The following SPACA9 variants were observed in gnomAD, a reference collection of about 807,000 sequenced individuals.
The protein encoded by SPACA9 is sperm acrosome-associated protein 9.
SPACA9 carries 14 observed loss-of-function variants against 12.5 expected under a neutral mutation model. That is an observed-to-expected ratio of 1.12 (90% confidence interval 0.74 to 1.75). SPACA9 has a LOEUF of 1.75. Among genes scored for constraint, SPACA9 ranks in the 40% most tolerant of loss-of-function variants. SPACA9 has a pLI of 0.00. For missense variants in SPACA9, 292 were observed against 291.9 expected (o/e 1.00, Z 0.00); for synonymous variants, 111 against 114.1 (o/e 0.97, Z 0.17).
chr9:132,889,038 G>C lies in SPACA9; in HGVS notation c.*427G>C. The C allele has an allele frequency of 1.0e-6, 1 of 991,236 alleles. No individual in the cohort carries two copies. Among genetic ancestry groups the C allele is most frequent in the Non-Finnish European group, 1.2e-6 (1 of 829,296 alleles). The allele number at this position is 991,236 out of a possible 1,614,324, so 61.4% of individuals were successfully genotyped here. ...CTCGTGATCGGCCTCCCAAAGTGCT[G>C]GGATTACAGGCGTGAGCCACAGCGC... On this transcript the variant is annotated 3_prime_UTR_variant, in exon 4 of 4. Transcript: ENST00000356311.
At chr9:132,883,546 A>G (rs1844480140) in intron 1 of SPACA9, among the ~76,000 whole-genome samples, 2 of 151,886 alleles carry the variant, frequency 1.3e-5, no homozygotes, top group Admixed American at 1.3e-4. Flanking sequence ...ATGTACCTGT[A>G]TGTGTGTGCA....
At chr9:132,881,262 CAAAAAAAAAGAAAA>C (rs1844417493) in intron 1 of SPACA9, among the ~76,000 whole-genome samples, 1 of 18,774 alleles carries the variant, frequency 5.3e-5, no homozygotes, top group African/African-American at 1.4e-4. Context: ...CCCATCTCTA[CAAAAAAAAAGAAAA>C]AAAAAAAAGA....
At chr9:132,878,538 C>T, upstream of SPACA9, 1 of 1,174,194 alleles carries the variant, frequency 8.5e-7, no homozygotes, top group Non-Finnish European at 1.1e-6. The surrounding 1 kb of genome is among the most constrained non-coding windows in gnomAD (Gnocchi z 4.7). Flanking sequence ...TATCTGAGAC[C>T]CCCGACGAAA....
chr9:132,878,633 T>G, upstream of SPACA9: 1 of 1,040,070 alleles, frequency 9.6e-7, no homozygotes. This position sits in a 1 kb window ranked among gnomAD's most constrained non-coding sequence, Gnocchi z 4.7. Context: ...CCCGGCTCCC[T>G]GTGCCTCAGT....
In SPACA9 at chr9:132,888,159, C is replaced by T; in HGVS notation, c.348-131C>T. On this transcript the variant is annotated intron_variant, in intron 3 of 3. Transcript: ENST00000356311. This position sits in a 1 kb window ranked among gnomAD's most constrained non-coding sequence, Gnocchi z 5.0. ...GCCAGAATCTCTGGGGACAGAGCGC[C>T]TCAGCGTGCTGTGTGTCCAGTTCTA... 4.9e-6 allele frequency: 7 copies of T among 1,420,214 alleles called. No individual in the cohort carries two copies. Among genetic ancestry groups the T allele is most frequent in the Non-Finnish European group, 6.6e-6 (7 of 1,064,970 alleles). 88.0% of individuals were successfully genotyped at this position (1,420,214 alleles called of 1,614,324 possible).
chr9:132,887,435 G>A lies in SPACA9; in HGVS notation c.211G>A (p.Asp71Asn), dbSNP rs2131494215. 1 of 1,612,916 alleles carries A rather than the reference G, an allele frequency of 6.2e-7. No homozygotes were observed. The highest frequency in any genetic ancestry group is 8.5e-7 in the Non-Finnish European group (1 of 1,180,004). Residue 71 changes from aspartate (D) to asparagine (N), a missense_variant, in exon 3 of 4, where the codon GAC becomes AAC. Asp to Asn is a conservative substitution (Grantham distance 23). Coordinates refer to ENST00000356311, the MANE Select transcript of SPACA9 (RefSeq NM_001316897.2). This position sits in a 1 kb window ranked among gnomAD's most constrained non-coding sequence, Gnocchi z 5.4. ...TDRRVLLMFLDICSELNKLCQ... is the reference protein window; with the variant it reads ...TDRRVLLMFLNICSELNKLCQ... The stretch of plus-strand genomic sequence containing the variant: ...CCGGCGGGTTCTGCTCATGTTCCTG[G>A]ACATCTGTTCAGAGCTGAATAAGCT...
chr9:132,880,316 A>G (rs1359545051), intron 1 of SPACA9, among the ~76,000 whole-genome samples: 2 of 151,968 alleles, frequency 1.3e-5, no homozygotes, highest in East Asian at 3.9e-4. Flanking sequence ...CTTCATCCAC[A>G]CTAATTTGGC....
At chr9:132,886,002 T>C (rs889553309) in intron 2 of SPACA9, among the ~76,000 whole-genome samples, 1 of 152,142 alleles carries the variant, frequency 6.6e-6, no homozygotes, top group Admixed American at 6.6e-5. Context: ...GGTATGAGTG[T>C]GAAGAGCCTC....
chr9:132,888,683 C>A lies in SPACA9; in HGVS notation c.*72C>A. On this transcript the variant is annotated 3_prime_UTR_variant, in exon 4 of 4. Coordinates refer to ENST00000356311, the MANE Select transcript of SPACA9 (RefSeq NM_001316897.2). The surrounding 1 kb of genome is among the most constrained non-coding windows in gnomAD (Gnocchi z 5.0). ...GGATTTTACTGGTTGGTCCTTTTTT[C>A]ACTGGTACCCATGGACCCTGCCACT... is the stretch of plus-strand genomic sequence containing the variant. 6.8e-7 allele frequency: 1 copy of A among 1,465,318 alleles called. No individual in the cohort carries two copies. The highest frequency in any genetic ancestry group is 1.4e-5 in the South Asian group (1 of 69,096). 90.8% of individuals were successfully genotyped at this position (1,465,318 alleles called of 1,614,324 possible).
Position 132,888,810 on chromosome 9 carries a change from C to T in SPACA9, c.*199C>T, listed in dbSNP as rs1844652283. ...TGAGACGGAGTCTCGCTCTGTCGCC[C>T]AGGCTGGAGTGCGGTGGCGCAACCT... is the stretch of plus-strand genomic sequence containing the variant. On this transcript the variant is annotated 3_prime_UTR_variant, in exon 4 of 4. Transcript: ENST00000356311. The surrounding 1 kb of genome is among the most constrained non-coding windows in gnomAD (Gnocchi z 5.0). 3.1e-6 allele frequency: 4 copies of T among 1,302,570 alleles called. No homozygotes were observed. Among genetic ancestry groups the T allele is most frequent in the Non-Finnish European group, 4.0e-6 (4 of 1,006,552 alleles). The allele number at this position is 1,302,570 out of a possible 1,614,324, so 80.7% of individuals were successfully genotyped here.
Position 132,886,535 on chromosome 9 carries a change from C to T in SPACA9, c.145-834C>T, listed in dbSNP as rs555984820. Among the ~76,000 whole-genome samples the T allele has an allele frequency of 2.6e-5, 4 of 152,274 alleles. No homozygotes were observed. The South Asian group carries it at 8.3e-4, about 32-fold the overall frequency. ...TTTAGGCGGTGGTTGGTTCAGGTGG[C>T]AGGGGACAGGTGAGGGGTAGGGCAC... On this transcript the variant is annotated intron_variant, in intron 2 of 3. Coordinates refer to ENST00000356311, the MANE Select transcript of SPACA9 (RefSeq NM_001316897.2).
intron 2 of SPACA9, among the ~76,000 whole-genome samples, chr9:132,884,834 G>A (rs1417980275): frequency 1.3e-5 from 2 of 152,200 alleles, no homozygotes; most frequent in African/African-American, 4.8e-5. Context: ...ATTTTTTTCT[G>A]GCCAGGCGTG....
Position 132,889,855 on chromosome 9 carries a change from C to T in SPACA9, c.*1244C>T. ...GTGGCTCCTGAGCAAGGGCGATGAC[C>T]TGGTTTTCACAGCGTAGTCGAACCC... On this transcript the variant is annotated 3_prime_UTR_variant, in exon 4 of 4. Coordinates refer to ENST00000356311, the MANE Select transcript of SPACA9 (RefSeq NM_001316897.2). 1 of 1,375,840 alleles carries T rather than the reference C, an allele frequency of 7.3e-7. No individual in the cohort carries two copies. Among genetic ancestry groups the T allele is most frequent in the African/African-American group, 1.5e-5 (1 of 67,682 alleles). The allele number at this position is 1,375,840 out of a possible 1,614,324, so 85.2% of individuals were successfully genotyped here.
chr9:132,889,889 G>T lies in SPACA9; in HGVS notation c.*1278G>T. On this transcript the variant is annotated 3_prime_UTR_variant, in exon 4 of 4. Transcript: ENST00000356311. Reference sequence around the variant, plus strand: ...ACAGCGTAGTCGAACCCCAAACATTGTAAAATGTGTCCCTGGCTTCTGAGC... The same window carrying T: ...ACAGCGTAGTCGAACCCCAAACATTTTAAAATGTGTCCCTGGCTTCTGAGC... 1.4e-6 allele frequency: 2 copies of T among 1,420,362 alleles called. No individual in the cohort carries two copies. The highest frequency in any genetic ancestry group is 9.3e-7 in the Non-Finnish European group (1 of 1,076,152). The allele number at this position is 1,420,362 out of a possible 1,614,324, so 88.0% of individuals were successfully genotyped here.
chr9:132,889,961 C>T lies in SPACA9; in HGVS notation c.*1350C>T, dbSNP rs2231412. On this transcript the variant is annotated 3_prime_UTR_variant, in exon 4 of 4. Coordinates refer to ENST00000356311, the MANE Select transcript of SPACA9 (RefSeq NM_001316897.2). Reference sequence around the variant, plus strand: ...TGTTGGTTTTTCCCTTCACAGGGGACGACTTAGCTTCTGTATTATTGTTGC... The same window carrying T: ...TGTTGGTTTTTCCCTTCACAGGGGATGACTTAGCTTCTGTATTATTGTTGC... 3.9e-5 allele frequency: 59 copies of T among 1,514,520 alleles called. No homozygotes were observed. The highest frequency in any genetic ancestry group is 3.0e-4 in the East Asian group (12 of 40,090). The allele number at this position is 1,514,520 out of a possible 1,614,324, so 93.8% of individuals were successfully genotyped here. A position where few individuals can be genotyped will look rare whatever the true frequency, so the allele number is the denominator to read the frequency against.
At position 132,888,330 on chromosome 9, in the gene SPACA9, G is replaced by A. The variant is rs1564459953; in HGVS notation, c.388G>A (p.Ala130Thr). The A allele has an allele frequency of 3.1e-6, 5 of 1,613,978 alleles. No individual in the cohort carries two copies. The South Asian group carries it at 5.5e-5, about 18-fold the overall frequency. Residue 130 changes from alanine to threonine, a missense_variant, in exon 4 of 4, where the codon GCC (alanine) becomes ACC (threonine). Coordinates refer to ENST00000356311, the MANE Select transcript of SPACA9 (RefSeq NM_001316897.2). This position sits in a 1 kb window ranked among gnomAD's most constrained non-coding sequence, Gnocchi z 5.0. ...DVVNHLSCDEARNHYGGVVSL... is the reference protein window; with the variant it reads ...DVVNHLSCDETRNHYGGVVSL... ...GGTGAACCACCTCAGCTGTGACGAG[G>A]CCCGGAACCACTACGGCGGCGTGGT...
At chr9:132,879,527 A>G (rs778052713) in intron 1 of SPACA9, among the ~76,000 whole-genome samples, 2 of 152,232 alleles carry the variant, frequency 1.3e-5, no homozygotes, top group Admixed American at 6.5e-5. Flanking sequence ...AGTAATTGGC[A>G]TGCAGTAAGC....
At chr9:132,881,285 G>GAAAAAAAAAAAAA (rs1326698941) in intron 1 of SPACA9, among the ~76,000 whole-genome samples, 1 of 96,406 alleles carries the variant, frequency 1.0e-5, no homozygotes, top group African/African-American at 3.5e-5. Flanking sequence ...AAAAAAAAAA[G>GAAAAAAAAAAAAA]AAAAAAAAGA....
Position 132,888,336 on chromosome 9 carries a change from A to C in SPACA9, c.394A>C (p.Asn132His), listed in dbSNP as rs1160514078. The C allele has an allele frequency of 1.9e-6, 3 of 1,613,912 alleles. No individual in the cohort carries two copies. In the East Asian group the frequency reaches 6.7e-5, roughly 36 times the overall value. The change falls in exon 4 of 4, where the codon AAC becomes CAC. Residue 132 changes from asparagine to histidine, a missense_variant. Physicochemically the swap from Asn to His is moderately conservative, Grantham distance 68. Coordinates refer to ENST00000356311, the MANE Select transcript of SPACA9 (RefSeq NM_001316897.2). This position sits in a 1 kb window ranked among gnomAD's most constrained non-coding sequence, Gnocchi z 5.0. ...VNHLSCDEARNHYGGVVSLIP... is the reference protein window; with the variant it reads ...VNHLSCDEARHHYGGVVSLIP... ...CCACCTCAGCTGTGACGAGGCCCGG[A>C]ACCACTACGGCGGCGTGGTCAGCCT... is the stretch of plus-strand genomic sequence containing the variant.
Sources: gnomAD v4.1 joint callset for allele counts (sites outside exome capture counted in the v4.1 genomes callset) on GRCh38, gnomAD v4.1.1 for gene constraint, Gnocchi (gnomAD v3.1) non-coding constraint, MANE v1.5 for transcripts, NCBI Gene and HGNC (gene_info 2026-07-23, HGNC 2026-07-21) for gene names.